The following EIF2S3 variants were observed in gnomAD, a reference collection of about 807,000 sequenced individuals.
The protein encoded by EIF2S3 is eukaryotic translation initiation factor 2 subunit 3.
A neutral mutation model predicts 31.7 loss-of-function variants in EIF2S3; 2 were observed. The observed-to-expected ratio is 0.06, with a 90% CI of 0.03 to 0.20. The LOEUF (loss-of-function observed/expected upper bound fraction) is 0.20. Ranked by LOEUF, EIF2S3 falls within the 10% of genes least tolerant of loss-of-function variation. The probability of loss-of-function intolerance (pLI) is 1.00; values close to 1 mark genes in which losing one functional copy is unlikely to be tolerated. For synonymous variants in EIF2S3, 120 were observed against 126.7 expected (o/e 0.95, Z 0.36); for missense variants, 96 against 359.3 (o/e 0.27, Z 5.92).
intron 11 of EIF2S3, among the ~76,000 whole-genome samples, chrX:24,075,514 C>A (rs748482527): frequency 8.9e-6 from 1 of 111,750 alleles, no homozygotes; most frequent in African/African-American, 3.2e-5. Flanking sequence ...TTAACTTGGT[C>A]AAAATTAGTC....
At chrX:24,057,895 G>A in intron 4 of EIF2S3, 141 bp downstream of exon 4, 1 of 743,633 alleles carries the variant, frequency 1.3e-6, no homozygotes, top group Non-Finnish European at 1.8e-6. Flanking sequence ...GTTTTTATGG[G>A]AAATCTGAAA....
At chrX:24,061,571 A>C (rs1385278244) in intron 5 of EIF2S3, among the ~76,000 whole-genome samples, 1 of 110,391 alleles carries the variant, frequency 9.1e-6, no homozygotes, top group Non-Finnish European at 1.9e-5. Flanking sequence ...TCTCAAAAAA[A>C]AAATTTTTTT....
At position 24,063,736 on chromosome X, in the gene EIF2S3, C is replaced by T. The variant is rs781444443; in HGVS notation, c.638-465C>T. 4.5e-5 allele frequency among the ~76,000 whole-genome samples: 5 copies of T among 110,479 alleles called. No individual in the cohort carries two copies. In the East Asian group the frequency reaches 1.4e-3, roughly 31 times the overall value. ...GTTGCAACAAGCCGTGATTATGCCA[C>T]TGCAGTCTAGCCTGGGTGACAAAGC... On this transcript the variant is annotated intron_variant, in intron 6 of 11. Transcript: ENST00000253039.
intron 8 of EIF2S3, 70 bp from the exon 9 acceptor site, chrX:24,067,894 G>A (rs1930603336): frequency 4.6e-6 from 5 of 1,097,532 alleles, no homozygotes; most frequent in African/African-American, 1.8e-5. Flanking sequence ...AGTCCCTGTT[G>A]GAACTTTTGA....
intron 6 of EIF2S3, chrX:24,062,775 G>A (rs1303101405): frequency 2.8e-6 from 1 of 351,198 alleles, no homozygotes; most frequent in Non-Finnish European, 4.6e-6. Context: ...ATATACTAAA[G>A]TATATTTTTG....
chrX:24,067,742 C>T (rs909239784), intron 8 of EIF2S3, among the ~76,000 whole-genome samples: 10 of 108,563 alleles, frequency 9.2e-5, no homozygotes, highest in Non-Finnish European at 1.9e-4. Context: ...TGCGTGCCAC[C>T]ACACCTGGCT....
In EIF2S3 at chrX:24,064,165, T is replaced by G. The variant is rs1227238763; in HGVS notation, c.638-36T>G. The G allele has an allele frequency of 2.8e-6, 3 of 1,081,086 alleles. No homozygotes were observed. The African/African-American group carries it at 5.7e-5, about 20-fold the overall frequency. The allele number at this position is 1,081,086 out of a possible 1,213,427, so 89.1% of individuals were successfully genotyped here. On this transcript the variant is annotated intron_variant, in intron 6 of 11. Transcript: ENST00000253039. ...ATACATAGAATAAATTTTATAAAAC[T>G]GTATAATTTTGATCTTTCTAAATTT...
chrX:24,067,788 A>G (rs773580493), intron 8 of EIF2S3, among the ~76,000 whole-genome samples, 176 bp from the exon 9 acceptor site: 119 of 108,126 alleles, frequency 1.1e-3, no homozygotes, highest in African/African-American at 3.8e-3. Context: ...GGGTTTCACT[A>G]TGTTGGCTGG....
intron 11 of EIF2S3, among the ~76,000 whole-genome samples, chrX:24,074,456 C>G (rs1415374777): frequency 8.9e-6 from 1 of 111,847 alleles, no homozygotes. Context: ...TAGTTACTCT[C>G]TACCCTTGCA....
chrX:24,072,442 C>T (rs1438784779), intron 10 of EIF2S3, among the ~76,000 whole-genome samples: 5 of 110,386 alleles, frequency 4.5e-5, no homozygotes, highest in Non-Finnish European at 9.5e-5. Context: ...GGTCACCACG[C>T]CTGGCTAATT....
intron 1 of EIF2S3, 35 bp from the exon 2 acceptor site, chrX:24,055,580 T>G (rs765813361): frequency 8.4e-7 from 1 of 1,190,865 alleles, no homozygotes; most frequent in Admixed American, 2.2e-5. Flanking sequence ...CTCATTTGTT[T>G]TACGTGCAGT....
chrX:24,060,830 G>A (rs1287861704), intron 5 of EIF2S3, among the ~76,000 whole-genome samples: 10 of 104,904 alleles, frequency 9.5e-5, no homozygotes, highest in African/African-American at 2.8e-4. Flanking sequence ...GTGTGGTGGC[G>A]CATGCTTGTA....
chrX:24,057,707 G>A lies in EIF2S3; in HGVS notation c.336G>A (p.Glu112=), dbSNP rs1212392699. ...CTTGTGGGAGCAGTACACCTGACGA[G>A]TTTCCTACGGACATTCCAGGGACCA... The part of the protein sequence containing the change: ...YRSCGSSTPD[E]FPTDIPGTKG... Residue 112 remains glutamate, a synonymous_variant, in exon 4 of 12, where the codon GAG becomes GAA. Transcript: ENST00000253039. 8.3e-7 allele frequency: 1 copy of A among 1,209,945 alleles called. No homozygotes were observed. Among genetic ancestry groups the A allele is most frequent in the Admixed American group, 2.2e-5 (1 of 45,610 alleles).
At chrX:24,073,519 C>T (rs758128661) in intron 11 of EIF2S3, 34 of 206,436 alleles carry the variant, frequency 1.6e-4, no homozygotes, top group East Asian at 4.7e-4. Flanking sequence ...GGTGAAACCC[C>T]GTCTCTACTA....
Position 24,055,743 on chromosome X carries a change from T to A in EIF2S3, c.133+65T>A, listed in dbSNP as rs1418576021. 8 of 1,019,711 alleles carry A rather than the reference T, an allele frequency of 7.8e-6. No homozygotes were observed. The African/African-American group carries it at 1.5e-4, about 19-fold the overall frequency. The allele number at this position is 1,019,711 out of a possible 1,213,427, so 84.0% of individuals were successfully genotyped here. ...ATTAATTTTAACCTCACTTTTTGTG[T>A]GATTACTTGAATAGTATGAGGATTC... On this transcript the variant is annotated intron_variant, in intron 2 of 11. Transcript: ENST00000253039.
intron 10 of EIF2S3, 93 bp from the exon 11 acceptor site, chrX:24,072,998 A>G: frequency 4.2e-6 from 4 of 960,198 alleles, no homozygotes; most frequent in South Asian, 4.9e-5. Flanking sequence ...TATGATTGAC[A>G]TATTTCCCAA....
rs1049427803 is a variant in EIF2S3, at chrX:24,070,406, A to G, written c.1013-1152A>G. ...CTACTCCCCTCAAGACACAGCTAGA[A>G]TATTTTGAAGTAGATCCCAGGAATC... On this transcript the variant is annotated intron_variant, in intron 9 of 11. Coordinates refer to ENST00000253039, the MANE Select transcript of EIF2S3 (RefSeq NM_001415.4). 9.7e-5 allele frequency among the ~76,000 whole-genome samples: 10 copies of G among 103,481 alleles called. No individual in the cohort carries two copies. In the Admixed American group the frequency reaches 9.7e-4, roughly 10 times the overall value. 89.9% of individuals were successfully genotyped at this position (103,481 alleles called of 115,157 possible).
At chrX:24,072,068 G>A (rs912481750) in intron 10 of EIF2S3, among the ~76,000 whole-genome samples, 13 of 109,220 alleles carry the variant, frequency 1.2e-4, no homozygotes, top group Non-Finnish European at 5.7e-5. Flanking sequence ...GTAGAGATGG[G>A]GTTTCACTAT....
At chrX:24,073,448 T>C (rs1930702234) in intron 11 of EIF2S3, 185 bp downstream of exon 11, 1 of 480,439 alleles carries the variant, frequency 2.1e-6, no homozygotes, top group Non-Finnish European at 3.3e-6. Flanking sequence ...ATCCCAGCAC[T>C]TTGGGAGGCC....
Sources: allele counts gnomAD v4.1 joint callset (sites outside exome capture counted in the v4.1 genomes callset), GRCh38; gene constraint gnomAD v4.1.1; transcripts MANE v1.5; gene names NCBI Gene and HGNC (gene_info 2026-07-23, HGNC 2026-07-21).